RXRA: variants seen among roughly 807,000 people sequenced by gnomAD.
The protein encoded by RXRA is retinoid X receptor alpha.
In RXRA, 5 loss-of-function variants were observed where a neutral mutation model predicts 44.5. The ratio of observed to expected loss-of-function variants is 0.11; its 90% CI spans 0.06 to 0.24. RXRA has a LOEUF of 0.24. RXRA is among the 10% of genes least tolerant of loss of function. The pLI is 1.00. For missense variants in RXRA, 412 were observed against 646.5 expected (o/e 0.64, Z 3.93); for synonymous variants, 291 against 271.4 (o/e 1.07, Z -0.71).
At chr9:134,384,901 G>A (rs1396019314) in intron 1 of RXRA, among the ~76,000 whole-genome samples, 1 of 152,196 alleles carries the variant, frequency 6.6e-6, no homozygotes, top group Admixed American at 6.5e-5. Context: ...TCAGACGGGT[G>A]TGAGCATGTG....
At chr9:134,364,292 C>T (rs1160717291) in intron 1 of RXRA, among the ~76,000 whole-genome samples, 2 of 152,238 alleles carry the variant, frequency 1.3e-5, no homozygotes, top group Non-Finnish European at 2.9e-5. Context: ...CTGGCAAACG[C>T]CCACTGCGTG....
intron 1 of RXRA, among the ~76,000 whole-genome samples, chr9:134,394,140 G>A (rs368520093): frequency 7.8e-3 from 1 of 128 alleles, no homozygotes; most frequent in South Asian, 0.12. Flanking sequence ...TGTAATGATG[G>A]TGTTGATGAT....
chr9:134,363,485 T>C (rs1433993477), intron 1 of RXRA, among the ~76,000 whole-genome samples: 1 of 152,270 alleles, frequency 6.6e-6, no homozygotes, highest in Non-Finnish European at 1.5e-5. Context: ...CCCAGGCTCC[T>C]GGGTACCGTG....
Position 134,331,384 on chromosome 9 carries a change from A to C in RXRA, c.28+4725A>C, listed in dbSNP as rs944875015. On this transcript the variant is annotated intron_variant, in intron 1 of 9. Coordinates refer to ENST00000481739, the MANE Select transcript of RXRA (RefSeq NM_002957.6). ...GAAAATTGGCCCGGCCGCTGTGGGG[A>C]GAGCGGGTGCGGACCGCGTGCAGGG... is the stretch of plus-strand genomic sequence containing the variant. Among the ~76,000 whole-genome samples the C allele has an allele frequency of 1.3e-4, 20 of 151,016 alleles. 1 individual carries two copies. The East Asian group carries it at 3.9e-3, about 29-fold the overall frequency.
chr9:134,351,330 C>T (rs1830219113), intron 1 of RXRA, among the ~76,000 whole-genome samples: 1 of 152,194 alleles, frequency 6.6e-6, no homozygotes, highest in African/African-American at 2.4e-5. Context: ...GAAAGGGGCC[C>T]TATGCCAGCA....
chr9:134,382,270 T>C (rs763373095), intron 1 of RXRA, among the ~76,000 whole-genome samples: 2 of 117,430 alleles, frequency 1.7e-5, no homozygotes, highest in Admixed American at 1.7e-4. Flanking sequence ...GTTTGGGTGG[T>C]GTGTGTGTGT....
intron 4 of RXRA, among the ~76,000 whole-genome samples, chr9:134,411,921 G>A (rs1360929980): frequency 6.6e-6 from 1 of 152,124 alleles, no homozygotes; most frequent in Non-Finnish European, 1.5e-5. Flanking sequence ...CAGTAACGGG[G>A]CCCCTGGTGC....
rs537063242 is a variant in RXRA at position 134,370,649 on chromosome 9, C to T, written c.29-30983C>T. The stretch of plus-strand genomic sequence containing the variant: ...TGTGACCTCCCTGGTCGTCCTTCCT[C>T]GCCACCTGCAAGCCATCCCCGTGTG... On this transcript the variant is annotated intron_variant, in intron 1 of 9. Transcript: ENST00000481739. 1.2e-4 allele frequency among the ~76,000 whole-genome samples: 19 copies of T among 152,358 alleles called. No individual in the cohort carries two copies. The East Asian group carries it at 1.4e-3, about 11-fold the overall frequency.
Position 134,426,695 on chromosome 9 carries a change from C to T in RXRA, c.911-2413C>T, listed in dbSNP as rs563558858. Reference sequence around the variant, plus strand: ...CCTGCTGGGTGGCCTCAGGGGCTCTCGGGGCAGTGGGAGGGGAGGTGGCCA... The same window carrying T: ...CCTGCTGGGTGGCCTCAGGGGCTCTTGGGGCAGTGGGAGGGGAGGTGGCCA... On this transcript the variant is annotated intron_variant, in intron 6 of 9. Coordinates refer to ENST00000481739, the MANE Select transcript of RXRA (RefSeq NM_002957.6). The surrounding 1 kb of genome is among the most constrained non-coding windows in gnomAD (Gnocchi z 4.6). 1.8e-4 allele frequency: 181 copies of T among 985,372 alleles called. No individual in the cohort carries two copies. In the African/African-American group the frequency reaches 2.2e-3, roughly 12 times the overall value. The allele number at this position is 985,372 out of a possible 1,614,324, so 61.0% of individuals were successfully genotyped here. A position where few individuals can be genotyped will look rare whatever the true frequency, so the allele number is the denominator to read the frequency against.
chr9:134,425,196 C>G, intron 6 of RXRA: 1 of 985,422 alleles, frequency 1.0e-6, no homozygotes, highest in Non-Finnish European at 1.2e-6. Context: ...GGATTCCAGC[C>G]AGGCTGTGGG....
rs539540151 is a variant in RXRA at position 134,401,894 on chromosome 9, G to C, written c.279+12G>C. ...CTGGCAGCCCCCAGGTGAGTGCGGG[G>C]CTGGGGCAAGGGGAGGGGGTGGGGC... is the stretch of plus-strand genomic sequence containing the variant. On this transcript the variant is annotated intron_variant, in intron 2 of 9. Coordinates refer to ENST00000481739, the MANE Select transcript of RXRA (RefSeq NM_002957.6). 2 of 1,592,128 alleles carry C rather than the reference G, an allele frequency of 1.3e-6. No individual in the cohort carries two copies. Among genetic ancestry groups the C allele is most frequent in the South Asian group, 2.2e-5 (2 of 89,542 alleles).
chr9:134,339,976 T>C (rs1830067148), intron 1 of RXRA, among the ~76,000 whole-genome samples: 1 of 152,172 alleles, frequency 6.6e-6, no homozygotes, highest in Admixed American at 6.5e-5. Flanking sequence ...TGTGCACCCG[T>C]GCATGTGTGT....
Position 134,401,782 on chromosome 9 carries a change from G to T in RXRA, c.179G>T (p.Gly60Val), listed in dbSNP as rs560113107. 6.2e-7 allele frequency: 1 copy of T among 1,613,054 alleles called. No individual in the cohort carries two copies. The highest frequency in any genetic ancestry group is 1.1e-5 in the South Asian group (1 of 91,074). Residue 60 changes from glycine (G) to valine (V), a missense_variant, in exon 2 of 10, where the codon GGC becomes GTC. Physicochemically the swap from Gly to Val is moderately radical, Grantham distance 109 (BLOSUM62 -3). Transcript: ENST00000481739. ...AGCACCCTGAGCTCCCCCATCAACG[G>T]CATGGGCCCGCCTTTCTCGGTCATC... Reference protein sequence around the residue: ...PISTLSSPINGMGPPFSVISS... With the variant: ...PISTLSSPINVMGPPFSVISS...
chr9:134,384,066 C>A (rs1830683758), intron 1 of RXRA, among the ~76,000 whole-genome samples: 2 of 152,130 alleles, frequency 1.3e-5, no homozygotes. Flanking sequence ...CCAGACCCTC[C>A]ACACTGTCAC....
At chr9:134,376,940 C>T (rs537510003) in intron 1 of RXRA, among the ~76,000 whole-genome samples, 1 of 152,186 alleles carries the variant, frequency 6.6e-6, no homozygotes, top group African/African-American at 2.4e-5. Flanking sequence ...GCTGGGCTGA[C>T]CTCTGGGCCA....
At chr9:134,399,554 C>A (rs1436769961) in intron 1 of RXRA, among the ~76,000 whole-genome samples, 1 of 151,996 alleles carries the variant, frequency 6.6e-6, no homozygotes, top group East Asian at 1.9e-4. Context: ...CTCTGGGCTG[C>A]ATGTGTTTGA....
intron 1 of RXRA, chr9:134,401,419 G>A: frequency 1.4e-6 from 1 of 723,660 alleles, no homozygotes; most frequent in Admixed American, 2.6e-5. Context: ...CCGGGGTCAG[G>A]CGCAGAACAG....
intron 4 of RXRA, among the ~76,000 whole-genome samples, chr9:134,412,480 C>G (rs1050043789): frequency 6.6e-6 from 1 of 152,306 alleles, no homozygotes; most frequent in Admixed American, 6.5e-5. Context: ...CGGCAAAGGC[C>G]CACTCTGGCT....
At chr9:134,353,097 G>C (rs1004540961) in intron 1 of RXRA, among the ~76,000 whole-genome samples, 2 of 152,142 alleles carry the variant, frequency 1.3e-5, no homozygotes, top group African/African-American at 4.8e-5. Flanking sequence ...CTTCTGGAGG[G>C]GGGAGGAGGG....
Sources: gnomAD v4.1 joint callset for allele counts (sites outside exome capture counted in the v4.1 genomes callset) on GRCh38, gnomAD v4.1.1 for gene constraint, Gnocchi (gnomAD v3.1) non-coding constraint, MANE v1.5 for transcripts, NCBI Gene and HGNC (gene_info 2026-07-23, HGNC 2026-07-21) for gene names.